Variants in RABIF observed in about 807,000 individuals in gnomAD.
RABIF encodes the protein RAB interacting factor, also known as guanine nucleotide exchange factor MSS4.
Under a neutral mutation model 12.3 loss-of-function variants are expected in RABIF, and 13 were observed. The observed-to-expected ratio is 1.06, with a 90% CI of 0.69 to 1.68. The LOEUF (loss-of-function observed/expected upper bound fraction) is 1.68, where lower values mean the gene tolerates loss of function less well. RABIF is among the 40% of genes most tolerant of loss of function. The probability of loss-of-function intolerance (pLI) is 0.00; values close to 1 mark genes in which losing one functional copy is unlikely to be tolerated. For missense variants in RABIF, 153 were observed against 158.0 expected (o/e 0.97, Z 0.17); for synonymous variants, 70 against 63.3 (o/e 1.11, Z -0.50).
chr1:202,881,654 G>A (rs1659493909), intron 1 of RABIF, among the ~76,000 whole-genome samples: 2 of 152,200 alleles, frequency 1.3e-5, no homozygotes. Flanking sequence ...TGATCTGCCT[G>A]CCTCGGCCTC....
chr1:202,886,233 C>CGGAACG (rs1659558674), intron 1 of RABIF, among the ~76,000 whole-genome samples: 1 of 131,030 alleles, frequency 7.6e-6, no homozygotes, highest in South Asian at 2.7e-4. Context: ...CAACGGGGAA[C>CGGAACG]GGGAACGGGG....
chr1:202,887,806 AC>A (rs1361606411), intron 1 of RABIF, among the ~76,000 whole-genome samples: 2 of 152,038 alleles, frequency 1.3e-5, no homozygotes. Context: ...GCCCAGCCTA[AC>A]TGTTTTAATG....
chr1:202,881,352 G>A, intron 1 of RABIF, 129 bp from the exon 2 acceptor site: 1 of 1,339,368 alleles, frequency 7.5e-7, no homozygotes, highest in South Asian at 1.6e-5. Flanking sequence ...CTCTCATTAA[G>A]CTGTAGACGA....
rs1659609246 is a variant in RABIF, at chr1:202,888,994, G to C, written c.105C>G (p.Thr35=). Residue 35 remains threonine (T), a synonymous_variant, in exon 1 of 2, where the codon ACC becomes ACG. Transcript: ENST00000367262. ...RCGSRVLQPG[T]ALFSRRQLFL... The stretch of plus-strand genomic sequence containing the variant: ...CTACCTGTCGGCGAGAGAAGAGAGC[G>C]GTCCCTGGCTGCAGCACCCGGGAGC... The C allele has an allele frequency of 1.3e-6, 2 of 1,584,482 alleles. No homozygotes were observed. Among genetic ancestry groups the C allele is most frequent in the Non-Finnish European group, 8.6e-7 (1 of 1,166,006 alleles).
chr1:202,889,001 GGCTGCAGCACCCGGGAGCCGCAAC>G lies in RABIF; in HGVS notation c.74_97del (p.Arg25_Gln32del). The stretch of plus-strand genomic sequence containing the variant: ...TCGGCGAGAGAAGAGAGCGGTCCCT[GGCTGCAGCACCCGGGAGCCGCAAC>G]GCTGGCACAGCACCGCCTTCCGGTT... On this transcript the variant is annotated inframe_deletion, in exon 1 of 2. Coordinates refer to ENST00000367262, the MANE Select transcript of RABIF (RefSeq NM_002871.5). 3.1e-6 allele frequency: 5 copies of G among 1,590,464 alleles called. No homozygotes were observed. The highest frequency in any genetic ancestry group is 4.3e-6 in the Non-Finnish European group (5 of 1,169,146).
At chr1:202,886,809 C>G (rs908756926) in intron 1 of RABIF, among the ~76,000 whole-genome samples, 1 of 149,342 alleles carries the variant, frequency 6.7e-6, no homozygotes, top group African/African-American at 2.5e-5. Flanking sequence ...GTGGTGCAAT[C>G]TTGAACTTCT....
At chr1:202,886,932 C>T (rs1010898408) in intron 1 of RABIF, among the ~76,000 whole-genome samples, 5 of 151,504 alleles carry the variant, frequency 3.3e-5, no homozygotes, top group Non-Finnish European at 7.4e-5. Context: ...TGGGATTTCA[C>T]CATGTCGGCC....
chr1:202,887,623 G>A (rs1659583109), intron 1 of RABIF, among the ~76,000 whole-genome samples: 4 of 151,112 alleles, frequency 2.6e-5, no homozygotes, highest in Middle Eastern at 3.4e-3. Flanking sequence ...TCAGCCTCCC[G>A]AGTAGCTGGG....
chr1:202,884,601 C>T (rs1295201407), intron 1 of RABIF, among the ~76,000 whole-genome samples: 1 of 152,104 alleles, frequency 6.6e-6, no homozygotes, highest in Admixed American at 6.6e-5. Flanking sequence ...CATGTGGAGA[C>T]CAGGCTGGGG....
Position 202,889,000 on chromosome 1 carries a change from T to C in RABIF, c.99A>G (p.Pro33=), listed in dbSNP as rs763270992. The change falls in exon 1 of 2, where the codon CCA becomes CCG. Residue 33 remains proline (P), a synonymous_variant. Coordinates refer to ENST00000367262, the MANE Select transcript of RABIF (RefSeq NM_002871.5). ...GTCGGCGAGAGAAGAGAGCGGTCCC[T>C]GGCTGCAGCACCCGGGAGCCGCAAC... The part of the protein sequence containing the change: ...CQRCGSRVLQ[P]GTALFSRRQL... 6 of 1,589,846 alleles carry C rather than the reference T, an allele frequency of 3.8e-6. No homozygotes were observed. In the African/African-American group the frequency reaches 4.0e-5, roughly 11 times the overall value.
intron 1 of RABIF, among the ~76,000 whole-genome samples, chr1:202,884,118 C>G (rs891240965): frequency 9.9e-5 from 15 of 152,156 alleles, no homozygotes; most frequent in South Asian, 2.1e-4. Flanking sequence ...TTTGTTCTGT[C>G]AGGACCCCAG....
chr1:202,881,174 T>C lies in RABIF; in HGVS notation c.176A>G (p.Asn59Ser), dbSNP rs756339996. The change falls in exon 2 of 2, where the codon AAT becomes AGT. Residue 59 changes from asparagine to serine, a missense_variant. Physicochemically the swap from Asn to Ser is conservative, Grantham distance 46. Coordinates refer to ENST00000367262, the MANE Select transcript of RABIF (RefSeq NM_002871.5). ...TTCCTGGAGGAGATCGCCGTCAGGA[T>C]TGCTGCCGTCAGACAGAGCTGGCTT... is the stretch of plus-strand genomic sequence containing the variant. ...RKKPALSDGS[N>S]PDGDLLQEHW... The C allele has an allele frequency of 6.2e-6, 10 of 1,614,040 alleles. No homozygotes were observed. Among genetic ancestry groups the C allele is most frequent in the African/African-American group, 1.3e-5 (1 of 74,902 alleles).
Position 202,879,626 on chromosome 1 carries a change from C to T in RABIF, c.*1352G>A, listed in dbSNP as rs138710395. On this transcript the variant is annotated 3_prime_UTR_variant, in exon 2 of 2. Transcript: ENST00000367262. ...CTAATTGGAGAAGGAAGCCATCTTT[C>T]CAGGGGAGTAGGTTGGTTGCAAAAC... The T allele has an allele frequency of 1.4e-4, 22 of 152,298 alleles. No homozygotes were observed. Among genetic ancestry groups the T allele is most frequent in the African/African-American group, 5.3e-4 (22 of 41,560 alleles). The allele number at this position is 152,298 out of a possible 1,614,324, so 9.4% of individuals were successfully genotyped here.
chr1:202,888,013 C>T (rs1442408258), intron 1 of RABIF, among the ~76,000 whole-genome samples: 1 of 152,226 alleles, frequency 6.6e-6, no homozygotes, highest in Non-Finnish European at 1.5e-5. Context: ...TACAAAACAA[C>T]AGACACAGAT....
Position 202,889,138 on chromosome 1 carries a change from G to A in RABIF, c.-40C>T. On this transcript the variant is annotated 5_prime_UTR_variant, in exon 1 of 2. Coordinates refer to ENST00000367262, the MANE Select transcript of RABIF (RefSeq NM_002871.5). ...CAGGCTCCTCAGCCACGGCTGCGCA[G>A]ACGCTGTCTCTGCTGGCTCGTTATT... 3 of 1,576,786 alleles carry A rather than the reference G, an allele frequency of 1.9e-6. No homozygotes were observed. The highest frequency in any genetic ancestry group is 1.7e-6 in the Non-Finnish European group (2 of 1,161,810).
rs756429814 is a variant in RABIF at position 202,881,110 on chromosome 1, C to G, written c.240G>C (p.Val80=). The change falls in exon 2 of 2, where the codon GTG becomes GTC. Residue 80 remains valine, a synonymous_variant. Coordinates refer to ENST00000367262, the MANE Select transcript of RABIF (RefSeq NM_002871.5). ...TGTTGCCCACGTCCTTGGTGAAGCC[C>G]ACATTCTCAAAAATGAACATGTCCT... ...LVEDMFIFEN[V]GFTKDVGNIK... 4 of 1,614,170 alleles carry G rather than the reference C, an allele frequency of 2.5e-6. No homozygotes were observed. Among genetic ancestry groups the G allele is most frequent in the Non-Finnish European group, 2.5e-6 (3 of 1,180,028 alleles).
rs1409808586 is a variant in RABIF at position 202,880,522 on chromosome 1, A to G, written c.*456T>C. Reference sequence around the variant, plus strand: ...CTGTAGATCACAAGGGTAGCCATACAACAAAGTCACTCTCAGATATTTGTA... The same window carrying G: ...CTGTAGATCACAAGGGTAGCCATACGACAAAGTCACTCTCAGATATTTGTA... On this transcript the variant is annotated 3_prime_UTR_variant, in exon 2 of 2. Transcript: ENST00000367262. 1.8e-5 allele frequency: 4 copies of G among 219,426 alleles called. No individual in the cohort carries two copies. Among genetic ancestry groups the G allele is most frequent in the African/African-American group, 9.4e-5 (4 of 42,652 alleles). The allele number at this position is 219,426 out of a possible 1,614,324, so 13.6% of individuals were successfully genotyped here.
intron 1 of RABIF, among the ~76,000 whole-genome samples, chr1:202,886,812 G>C (rs1391031378): frequency 6.8e-6 from 1 of 146,980 alleles, no homozygotes; most frequent in African/African-American, 2.5e-5. Flanking sequence ...GTGCAATCTT[G>C]AACTTCTGCC....
intron 1 of RABIF, among the ~76,000 whole-genome samples, chr1:202,887,809 G>C (rs556109460): frequency 6.6e-6 from 1 of 152,156 alleles, no homozygotes; most frequent in South Asian, 2.1e-4. Context: ...CAGCCTAACT[G>C]TTTTAATGTT....
Sources: gnomAD v4.1 joint callset for allele counts (sites outside exome capture counted in the v4.1 genomes callset) on GRCh38, gnomAD v4.1.1 for gene constraint, MANE v1.5 for transcripts, NCBI Gene and HGNC (gene_info 2026-07-23, HGNC 2026-07-21) for gene names.